Variants in TSHR observed in about 807,000 individuals in gnomAD.
TSHR encodes the protein thyrotropin receptor.
In TSHR, 51 loss-of-function variants were observed where a neutral mutation model predicts 64.1. The observed-to-expected ratio is 0.80, with a 90% CI of 0.64 to 1.01. The LOEUF is 1.01. Among genes scored for constraint, TSHR ranks in the 50% least tolerant of loss-of-function variants. The probability of loss-of-function intolerance (pLI) is 0.00; values close to 1 mark genes in which losing one functional copy is unlikely to be tolerated. For missense variants in TSHR, 877 were observed against 942.8 expected (o/e 0.93, Z 0.91); for synonymous variants, 361 against 361.9 (o/e 1.00, Z 0.03).
At chr14:81,096,607 T>G (rs1889209767) in intron 6 of TSHR, 32 bp from the exon 7 acceptor site, 2 of 1,608,006 alleles carry the variant, frequency 1.2e-6, no homozygotes, top group Middle Eastern at 1.7e-4. Flanking sequence ...TTCTCACCAG[T>G]CACTGATTTC....
At chr14:81,048,255 G>A (rs773602716) in intron 1 of TSHR, among the ~76,000 whole-genome samples, 1 of 152,018 alleles carries the variant, frequency 6.6e-6, no homozygotes, top group Non-Finnish European at 1.5e-5. Context: ...GCTGAATTCA[G>A]TTTTTTCATG....
At chr14:81,086,415 A>G (rs1888290719) in intron 3 of TSHR, among the ~76,000 whole-genome samples, 1 of 152,162 alleles carries the variant, frequency 6.6e-6, no homozygotes, top group South Asian at 2.1e-4. Flanking sequence ...TGAAAAAACC[A>G]GAGAGTTTTT....
At chr14:81,037,444 C>CAA (rs1236687868) in intron 1 of TSHR, among the ~76,000 whole-genome samples, 1 of 127,458 alleles carries the variant, frequency 7.8e-6, no homozygotes, top group African/African-American at 2.9e-5. Context: ...AACAAACAAA[C>CAA]AAAAAACAGA....
At chr14:81,062,115 A>T (rs756599182) in intron 1 of TSHR, 33 bp from the exon 2 acceptor site, 1 of 1,563,872 alleles carries the variant, frequency 6.4e-7, no homozygotes, top group Non-Finnish European at 8.8e-7. Flanking sequence ...CCCAATGATT[A>T]AAACTCTAAT....
chr14:81,139,161 A>G (rs1266188061), intron 8 of TSHR, among the ~76,000 whole-genome samples: 2 of 152,180 alleles, frequency 1.3e-5, no homozygotes, highest in Non-Finnish European at 2.9e-5. Context: ...GTTGTCAGTC[A>G]TGAATTCCCA....
rs561884795 is a variant in TSHR, at chr14:80,982,103, T to C, written c.170+26253T>C. ...CGGGTGTGGTTAGGCCTGTAGCCAATACCTGGGCCAAAGCAAAAGACAAGC... is the reference window on the plus strand; with the variant it reads ...CGGGTGTGGTTAGGCCTGTAGCCAACACCTGGGCCAAAGCAAAAGACAAGC... On this transcript the variant is annotated intron_variant, in intron 1 of 9. Coordinates refer to ENST00000298171, the MANE Select transcript of TSHR (RefSeq NM_000369.5). The C allele has an allele frequency of 1.1e-5, 6 of 550,902 alleles. No homozygotes were observed. In the East Asian group the frequency reaches 2.4e-4, roughly 22 times the overall value. The allele number at this position is 550,902 out of a possible 1,614,324, so 34.1% of individuals were successfully genotyped here. A position where few individuals can be genotyped will look rare whatever the true frequency, so the allele number is the denominator to read the frequency against.
intron 1 of TSHR, among the ~76,000 whole-genome samples, chr14:81,018,529 T>C (rs546120182): frequency 6.6e-6 from 1 of 152,288 alleles, no homozygotes; most frequent in African/African-American, 2.4e-5. Context: ...GTAAGTGCTG[T>C]GTGGGGGACA....
intron 1 of TSHR, among the ~76,000 whole-genome samples, chr14:81,056,707 G>A (rs61978747): frequency 0.13 from 19,360 of 152,056 alleles, 1,558 homozygotes; most frequent in Non-Finnish European, 0.18. Flanking sequence ...AGTTTCTGGG[G>A]TTCAGATCAC....
At chr14:81,086,835 G>A (rs1027310610) in intron 3 of TSHR, among the ~76,000 whole-genome samples, 18 of 152,214 alleles carry the variant, frequency 1.2e-4, no homozygotes, top group African/African-American at 4.3e-4. Flanking sequence ...AAGACTGCCT[G>A]TTATATGATT....
intron 1 of TSHR, among the ~76,000 whole-genome samples, chr14:80,981,334 T>A (rs1486296421): frequency 6.6e-6 from 1 of 152,152 alleles, no homozygotes; most frequent in African/African-American, 2.4e-5. Context: ...AAGGTTTTTT[T>A]AAAAATAGAA....
At chr14:81,101,988 G>A (rs866401490) in intron 7 of TSHR, among the ~76,000 whole-genome samples, 6 of 151,956 alleles carry the variant, frequency 3.9e-5, no homozygotes, top group Non-Finnish European at 8.8e-5. Context: ...TGGCTAACAC[G>A]GTGAAACCCC....
chr14:80,971,137 T>C (rs144898000), intron 1 of TSHR, among the ~76,000 whole-genome samples: 186 of 152,314 alleles, frequency 1.2e-3, no homozygotes, highest in African/African-American at 4.3e-3. Flanking sequence ...AGGGATTTTT[T>C]AGAATGCCGC....
rs541139448 is a variant in TSHR at position 81,130,903 on chromosome 14, A to ATGGCG, written c.693-8773_693-8769dup. Among the ~76,000 whole-genome samples the ATGGCG allele has an allele frequency of 2.2e-3, 231 of 106,610 alleles. 26 individuals carry two copies. The highest frequency in any genetic ancestry group is 3.5e-3 in the Non-Finnish European group (205 of 57,780). 69.9% of individuals were successfully genotyped at this position (106,610 alleles called of 152,430 possible). A position where few individuals can be genotyped will look rare whatever the true frequency, so the allele number is the denominator to read the frequency against. On this transcript the variant is annotated intron_variant, in intron 8 of 9. Transcript: ENST00000298171. ...CTACTCGGGAGGCTGAGGCAGGAGA[A>ATGGCG]TGGCGTGAACCCGGGAAGCGGAGCT... is the stretch of plus-strand genomic sequence containing the variant.
At chr14:81,070,625 C>CAAAAAAAAAAAAAAAAAAAAAAAAAAAA (rs60958301) in intron 3 of TSHR, among the ~76,000 whole-genome samples, 1 of 15,808 alleles carries the variant, frequency 6.3e-5, no homozygotes, top group Non-Finnish European at 1.3e-4. Flanking sequence ...GATTCCATCT[C>CAAAAAAAAAAAAAAAAAAAAAAAAAAAA]AAAAAAAAAA....
At chr14:81,139,518 T>G (rs983884988) in intron 8 of TSHR, among the ~76,000 whole-genome samples, 161 bp from the exon 9 acceptor site, 3 of 152,172 alleles carry the variant, frequency 2.0e-5, no homozygotes, top group Non-Finnish European at 2.9e-5. Context: ...AAGCCTAATA[T>G]CCATCCCTCC....
intron 1 of TSHR, among the ~76,000 whole-genome samples, chr14:81,002,858 T>C (rs1441919995): frequency 1.5e-5 from 1 of 65,298 alleles, no homozygotes; most frequent in Non-Finnish European, 3.4e-5. Flanking sequence ...CTTTAAGTTT[T>C]AGGGTACATG....
At chr14:81,033,123 C>T in intron 1 of TSHR, 1 of 359,594 alleles carries the variant, frequency 2.8e-6, no homozygotes, top group Non-Finnish European at 5.4e-6. Context: ...CTCAGAAATT[C>T]ATCTATGAAT....
chr14:81,024,498 T>C (rs11159482), intron 1 of TSHR, among the ~76,000 whole-genome samples: 140,049 of 152,188 alleles, frequency 0.92, 64,550 homozygotes, highest in East Asian at 1. Context: ...CTGCCCACCT[T>C]GGCCTCCCAA....
At position 81,143,264 on chromosome 14, in the gene TSHR, C is replaced by T. The variant is rs150524100; in HGVS notation, c.1206C>T (p.Ser402=). Residue 402 remains serine (S), a synonymous_variant, in exon 10 of 10, where the codon TCC becomes TCT. Transcript: ENST00000298171. The part of the protein sequence containing the change: ...DSEDMVCTPK[S]DEFNPCEDIM... ...AAGACATGGTGTGTACCCCCAAGTC[C>T]GATGAGTTCAACCCGTGTGAAGACA... 291 of 1,613,978 alleles carry T rather than the reference C, an allele frequency of 1.8e-4. 1 individual carries two copies. The highest frequency in any genetic ancestry group is 1.7e-4 in the Non-Finnish European group (197 of 1,180,018).
Sources: gnomAD v4.1 joint callset for allele counts (sites outside exome capture counted in the v4.1 genomes callset) on GRCh38, gnomAD v4.1.1 for gene constraint, MANE v1.5 for transcripts, NCBI Gene and HGNC (gene_info 2026-07-23, HGNC 2026-07-21) for gene names.